Variants in SLIT2 observed in about 807,000 individuals in gnomAD.
The protein encoded by SLIT2 is slit guidance ligand 2, also known as slit homolog 2 protein.
A neutral mutation model predicts 185.7 loss-of-function variants in SLIT2; 41 were observed. The ratio of observed to expected loss-of-function variants is 0.22; its 90% CI spans 0.17 to 0.29. The LOEUF (loss-of-function observed/expected upper bound fraction) is 0.29, where lower values mean the gene tolerates loss of function less well. SLIT2 is among the 10% of genes least tolerant of loss of function. SLIT2 has a pLI of 1.00. For missense variants in SLIT2, 1,571 were observed against 1,909.0 expected (o/e 0.82, Z 3.30); for synonymous variants, 693 against 680.2 (o/e 1.02, Z -0.29).
intron 4 of SLIT2, among the ~76,000 whole-genome samples, chr4:20,351,598 C>T (rs1001968456): frequency 5.3e-5 from 8 of 152,114 alleles, no homozygotes; most frequent in African/African-American, 1.9e-4. Flanking sequence ...ACAACCTCCA[C>T]TTACAAAGAT....
chr4:20,590,420 A>C (rs1577982495), intron 30 of SLIT2, among the ~76,000 whole-genome samples: 2 of 152,190 alleles, frequency 1.3e-5, no homozygotes, highest in South Asian at 4.1e-4. Flanking sequence ...ACTTTAATGT[A>C]ATTGAAGATG....
At chr4:20,495,020 G>C (rs1038703151) in intron 9 of SLIT2, among the ~76,000 whole-genome samples, 4 of 152,086 alleles carry the variant, frequency 2.6e-5, no homozygotes, top group Non-Finnish European at 5.9e-5. Flanking sequence ...ATCTCCGGAG[G>C]CAAATACTGC....
intron 4 of SLIT2, among the ~76,000 whole-genome samples, chr4:20,297,930 A>G: frequency 6.6e-6 from 1 of 152,152 alleles, no homozygotes; most frequent in East Asian, 1.9e-4. Flanking sequence ...TCCCATAGAA[A>G]CAATGTTGTA....
intron 4 of SLIT2, among the ~76,000 whole-genome samples, chr4:20,333,361 A>G (rs968162905): frequency 2.6e-5 from 4 of 152,262 alleles, no homozygotes; most frequent in East Asian, 1.9e-4. Context: ...ATAGAATTCA[A>G]TTTCTTACTG....
chr4:20,315,494 G>C (rs969010080), intron 4 of SLIT2, among the ~76,000 whole-genome samples: 1 of 152,034 alleles, frequency 6.6e-6, no homozygotes, highest in African/African-American at 2.4e-5. Flanking sequence ...GATACTTTAT[G>C]AACATAGAGA....
At chr4:20,453,067 G>A (rs1712655362) in intron 4 of SLIT2, among the ~76,000 whole-genome samples, 1 of 152,166 alleles carries the variant, frequency 6.6e-6, no homozygotes, top group Non-Finnish European at 1.5e-5. Flanking sequence ...AATCAAGGGT[G>A]GTTTGTGCAT....
intron 4 of SLIT2, among the ~76,000 whole-genome samples, chr4:20,291,490 ATATTTTTTTTTTTTTTTTTT>A (rs1293880443): frequency 1.0e-4 from 1 of 9,960 alleles, no homozygotes; most frequent in Non-Finnish European, 1.6e-4. Context: ...ATATATATAT[ATATTTTTTTTTTTTTTTTTT>A]TTTTTTTTTT....
At position 20,400,882 on chromosome 4, in the gene SLIT2, T is replaced by A. The variant is rs537359064; in HGVS notation, c.396-66870T>A. On this transcript the variant is annotated intron_variant, in intron 4 of 36. Coordinates refer to ENST00000504154, the MANE Select transcript of SLIT2 (RefSeq NM_004787.4). ...ATGTGGATTGCCATGTGTTAGTATA[T>A]CCTGCTCAAGGGTGGTATCCATAAA... Among the ~76,000 whole-genome samples, 3 of 151,950 alleles carry A rather than the reference T, an allele frequency of 2.0e-5. No homozygotes were observed. In the South Asian group the frequency reaches 6.2e-4, roughly 32 times the overall value.
intron 12 of SLIT2, among the ~76,000 whole-genome samples, chr4:20,521,873 A>G (rs1160562553): frequency 6.8e-6 from 1 of 148,098 alleles, no homozygotes; most frequent in African/African-American, 2.5e-5. Flanking sequence ...AAAGGAGAAA[A>G]TATTTTTTAG....
intron 4 of SLIT2, among the ~76,000 whole-genome samples, chr4:20,390,759 A>ATT (rs67798474): frequency 6.7e-6 from 1 of 148,570 alleles, no homozygotes; most frequent in African/African-American, 2.5e-5. Flanking sequence ...AAAAGATCTT[A>ATT]TTTTTTTTTT....
chr4:20,544,989 C>A (rs1407373013), intron 21 of SLIT2, among the ~76,000 whole-genome samples: 9 of 152,024 alleles, frequency 5.9e-5, no homozygotes, highest in East Asian at 3.9e-4. Context: ...ATAACATAGA[C>A]CCAATTATTT....
chr4:20,366,214 C>T (rs560564469), intron 4 of SLIT2, among the ~76,000 whole-genome samples: 1 of 152,024 alleles, frequency 6.6e-6, no homozygotes, highest in Non-Finnish European at 1.5e-5. Context: ...TCTCTTTCTC[C>T]TACTCTTTAT....
At position 20,293,802 on chromosome 4, in the gene SLIT2, A is replaced by G. The variant is rs376493896; in HGVS notation, c.395+24921A>G. Among the ~76,000 whole-genome samples, 3 of 152,138 alleles carry G rather than the reference A, an allele frequency of 2.0e-5. No homozygotes were observed. In the East Asian group the frequency reaches 5.8e-4, roughly 29 times the overall value. On this transcript the variant is annotated intron_variant, in intron 4 of 36. Coordinates refer to ENST00000504154, the MANE Select transcript of SLIT2 (RefSeq NM_004787.4). ...AGATATATTATGTGACTTGCCCAAG[A>G]TTGCCTGGCCCGTGGAGAGAGAGCC... is the stretch of plus-strand genomic sequence containing the variant.
chr4:20,263,453 T>C (rs567812271), intron 3 of SLIT2, among the ~76,000 whole-genome samples: 1 of 151,856 alleles, frequency 6.6e-6, no homozygotes, highest in African/African-American at 2.4e-5. Context: ...GGTTCTAGAG[T>C]AAAAGCACAG....
intron 18 of SLIT2, among the ~76,000 whole-genome samples, chr4:20,537,473 G>C (rs530810248): frequency 6.6e-6 from 1 of 152,232 alleles, no homozygotes; most frequent in African/African-American, 2.4e-5. Context: ...AGTTGAACCC[G>C]AAACACCACC....
At chr4:20,324,394 GCT>G (rs1178932834) in intron 4 of SLIT2, among the ~76,000 whole-genome samples, 1 of 149,082 alleles carries the variant, frequency 6.7e-6, no homozygotes, top group Non-Finnish European at 1.5e-5. Flanking sequence ...CCATTTCCCT[GCT>G]CTCTTTGCCA....
At chr4:20,372,903 C>T (rs1040549060) in intron 4 of SLIT2, among the ~76,000 whole-genome samples, 1 of 151,950 alleles carries the variant, frequency 6.6e-6, no homozygotes, top group Non-Finnish European at 1.5e-5. Context: ...ATTTAATAAA[C>T]CTAATGGAGA....
At chr4:20,309,277 AG>A (rs1577406076) in intron 4 of SLIT2, among the ~76,000 whole-genome samples, 1 of 152,174 alleles carries the variant, frequency 6.6e-6, no homozygotes. Context: ...TTTTTAAATA[AG>A]AACACCAATT....
At chr4:20,316,331 A>G (rs1718578689) in intron 4 of SLIT2, among the ~76,000 whole-genome samples, 1 of 151,986 alleles carries the variant, frequency 6.6e-6, no homozygotes. Flanking sequence ...AAACCCCTCC[A>G]TTCTTAACTT....
Sources: gnomAD v4.1 joint callset for allele counts (sites outside exome capture counted in the v4.1 genomes callset) on GRCh38, gnomAD v4.1.1 for gene constraint, MANE v1.5 for transcripts, NCBI Gene and HGNC (gene_info 2026-07-23, HGNC 2026-07-21) for gene names.